Variants in PARD3 observed in about 807,000 individuals in gnomAD.
PARD3 encodes par-3 family cell polarity regulator, also known as partitioning defective 3 homolog.
Under a neutral mutation model 155.4 loss-of-function variants are expected in PARD3, and 75 were observed. The ratio of observed to expected loss-of-function variants is 0.48; its 90% CI spans 0.40 to 0.58. PARD3 has a LOEUF of 0.58. Among genes scored for constraint, PARD3 ranks in the 20% least tolerant of loss-of-function variants. The probability of loss-of-function intolerance (pLI) is 0.00; values close to 1 mark genes in which losing one functional copy is unlikely to be tolerated. For missense variants in PARD3, 1,642 were observed against 1,721.7 expected (o/e 0.95, Z 0.82); for synonymous variants, 576 against 610.5 (o/e 0.94, Z 0.83).
At chr10:34,261,729 G>GAAGAAAGGAAGA (rs879820100) in intron 22 of PARD3, among the ~76,000 whole-genome samples, 1 of 56,668 alleles carries the variant, frequency 1.8e-5, no homozygotes, top group East Asian at 2.8e-4. Context: ...AGGAAGAAAG[G>GAAGAAAGGAAGA]AAGGAAGAAA....
intron 2 of PARD3, among the ~76,000 whole-genome samples, chr10:34,542,636 T>C (rs543342110): frequency 6.6e-6 from 1 of 152,316 alleles, no homozygotes; most frequent in African/African-American, 2.4e-5. Flanking sequence ...CAAAATCTGA[T>C]AATATTTACA....
At chr10:34,718,235 G>T (rs1019228225) in intron 1 of PARD3, among the ~76,000 whole-genome samples, 2 of 151,576 alleles carry the variant, frequency 1.3e-5, no homozygotes, top group South Asian at 2.1e-4. Context: ...TATGGAAATT[G>T]TAACTGCCAA....
chr10:34,552,385 C>T (rs1414021234), intron 2 of PARD3, among the ~76,000 whole-genome samples: 1 of 152,224 alleles, frequency 6.6e-6, no homozygotes, highest in African/African-American at 2.4e-5. Flanking sequence ...CAGCAGACAG[C>T]CACCACACCC....
intron 22 of PARD3, among the ~76,000 whole-genome samples, chr10:34,239,174 C>T (rs1953423276): frequency 6.6e-6 from 1 of 152,174 alleles, no homozygotes; most frequent in South Asian, 2.1e-4. Flanking sequence ...TTAAAGAGAA[C>T]TGGTGAATTA....
intron 22 of PARD3, among the ~76,000 whole-genome samples, chr10:34,209,138 C>G (rs1310538013): frequency 1.3e-5 from 2 of 152,196 alleles, no homozygotes; most frequent in African/African-American, 4.8e-5. Flanking sequence ...TTTCTTTCTA[C>G]TTGGGTGACC....
intron 2 of PARD3, among the ~76,000 whole-genome samples, chr10:34,606,098 T>C (rs2090395544): frequency 6.8e-6 from 1 of 147,732 alleles, no homozygotes; most frequent in Non-Finnish European, 1.5e-5. Context: ...ATCCTATTAG[T>C]TCTTTATATA....
chr10:34,262,957 G>C (rs1427736377), intron 22 of PARD3, among the ~76,000 whole-genome samples: 1 of 152,138 alleles, frequency 6.6e-6, no homozygotes, highest in Non-Finnish European at 1.5e-5. Flanking sequence ...AATTTAAAGG[G>C]AAACAGTTCA....
At chr10:34,371,278 A>G (rs895366076) in intron 12 of PARD3, among the ~76,000 whole-genome samples, 2 of 151,898 alleles carry the variant, frequency 1.3e-5, no homozygotes, top group East Asian at 1.9e-4. Context: ...TAATTGCCCT[A>G]TTTATTTTAT....
At chr10:34,344,495 TG>T in intron 15 of PARD3, 1 of 691,672 alleles carries the variant, frequency 1.4e-6, no homozygotes, top group Non-Finnish European at 1.8e-6. Flanking sequence ...TTGGCCAGGC[TG>T]GTCTTAAACT....
At chr10:34,411,034 G>A (rs1156954888) in intron 5 of PARD3, among the ~76,000 whole-genome samples, 1 of 152,156 alleles carries the variant, frequency 6.6e-6, no homozygotes, top group African/African-American at 2.4e-5. Flanking sequence ...TCTGACCTAG[G>A]AGCCTCAGGT....
chr10:34,395,729 C>T (rs967643600), intron 7 of PARD3, among the ~76,000 whole-genome samples: 1 of 76,182 alleles, frequency 1.3e-5, no homozygotes, highest in Non-Finnish European at 2.2e-5. Context: ...CCCAGCTACT[C>T]GGGAGGCTGA....
At chr10:34,226,274 G>C (rs1479830470) in intron 22 of PARD3, among the ~76,000 whole-genome samples, 1 of 152,244 alleles carries the variant, frequency 6.6e-6, no homozygotes, top group African/African-American at 2.4e-5. Context: ...AATAGGCTGG[G>C]TGTTGTGGCT....
chr10:34,785,476 T>G (rs1171937202), intron 1 of PARD3, among the ~76,000 whole-genome samples: 1 of 152,138 alleles, frequency 6.6e-6, no homozygotes, highest in African/African-American at 2.4e-5. Context: ...CCAGGCACAG[T>G]GGCTCACGTC....
chr10:34,525,009 GAC>G (rs1465835796), intron 2 of PARD3, among the ~76,000 whole-genome samples: 2 of 152,178 alleles, frequency 1.3e-5, no homozygotes, highest in Admixed American at 6.5e-5. Context: ...TTACTTTAAT[GAC>G]ACAGAGACAA....
chr10:34,781,121 C>T (rs1292575471), intron 1 of PARD3, among the ~76,000 whole-genome samples: 1 of 152,236 alleles, frequency 6.6e-6, no homozygotes, highest in Non-Finnish European at 1.5e-5. Flanking sequence ...GCACCCCTCC[C>T]CCCTCTAGCC....
At position 34,647,272 on chromosome 10, in the gene PARD3, G is replaced by T. The variant is rs529767469; in HGVS notation, c.222+49046C>A. The stretch of plus-strand genomic sequence containing the variant: ...CTAAGCCCATGAGGACAGGGGCTTT[G>T]TCTCCATTCACTACTGCATCCCAGC... On this transcript the variant is annotated intron_variant, in intron 2 of 24. Coordinates refer to ENST00000374788, the MANE Select transcript of PARD3 (RefSeq NM_001184785.2). Among the ~76,000 whole-genome samples, 543 of 152,274 alleles carry T rather than the reference G, an allele frequency of 3.6e-3. 3 individuals are homozygous for T. The highest frequency in any genetic ancestry group is 5.9e-3 in the Non-Finnish European group (400 of 68,032).
intron 1 of PARD3, among the ~76,000 whole-genome samples, chr10:34,761,067 C>CA (rs1014042185): frequency 4.0e-5 from 6 of 149,430 alleles, no homozygotes; most frequent in South Asian, 2.1e-4. Flanking sequence ...CAACCAAAAA[C>CA]AAAAAAAAAG....
chr10:34,678,170 G>T (rs182431549), intron 2 of PARD3, among the ~76,000 whole-genome samples: 62 of 152,098 alleles, frequency 4.1e-4, no homozygotes, highest in African/African-American at 1.4e-3. Context: ...ACCTCCCCAG[G>T]CTCAGGTGAT....
chr10:34,529,740 A>G (rs2082714660), intron 2 of PARD3, among the ~76,000 whole-genome samples: 1 of 136,198 alleles, frequency 7.3e-6, no homozygotes, highest in African/African-American at 2.5e-5. Context: ...TTTTTACTTT[A>G]CTTTTTTTTT....
Sources: allele counts gnomAD v4.1 joint callset (sites outside exome capture counted in the v4.1 genomes callset), GRCh38; gene constraint gnomAD v4.1.1; transcripts MANE v1.5; gene names NCBI Gene and HGNC (gene_info 2026-07-23, HGNC 2026-07-21).